Variants in XRCC6 observed in about 807,000 individuals in gnomAD.
The protein encoded by XRCC6 is DNA repair protein Ku70.
A neutral mutation model predicts 65.7 loss-of-function variants in XRCC6; 5 were observed. That is an observed-to-expected ratio of 0.08 (90% CI 0.04 to 0.16). The LOEUF (loss-of-function observed/expected upper bound fraction) is 0.16. XRCC6 is among the 10% of genes least tolerant of loss of function. XRCC6 has a pLI of 1.00. For missense variants in XRCC6, 447 were observed against 738.1 expected, an observed-to-expected ratio of 0.61 and a Z score of 4.57; for synonymous variants, 270 against 270.6, an observed-to-expected ratio of 1.00 and a Z score of 0.02.
rs999474140 is a variant in XRCC6 at position 41,636,218 on chromosome 22, A to G, written c.301A>G (p.Asn101Asp). 40 of 1,604,048 alleles carry G rather than the reference A, an allele frequency of 2.5e-5. No homozygotes were observed. Among genetic ancestry groups the G allele is most frequent in the Non-Finnish European group, 3.3e-5 (39 of 1,177,580 alleles). The change falls in exon 4 of 13, where the codon AAT becomes GAT. Residue 101 changes from asparagine (N) to aspartate (D), a missense_variant. This residue lies in a region of XRCC6 where 228 missense variants were observed against 307.4 expected (regional missense o/e 0.74). Coordinates refer to ENST00000360079, the MANE Select transcript of XRCC6 (RefSeq NM_001469.5). ...AGACAAAAATTCAGTGAATTTTAAA[A>G]ATATTTACGTCTTACAGGAGCTGGA... is the stretch of plus-strand genomic sequence containing the variant. ...EKDKNSVNFKNIYVLQELDNP... is the reference protein window; with the variant it reads ...EKDKNSVNFKDIYVLQELDNP...
chr22:41,636,425 G>C, intron 4 of XRCC6, 91 bp from the exon 5 acceptor site: 1 of 1,542,250 alleles, frequency 6.5e-7, no homozygotes. Flanking sequence ...GCTCTGGGGT[G>C]AAAAAGGGTC....
At chr22:41,640,188 G>A (rs1259430477) in intron 6 of XRCC6, among the ~76,000 whole-genome samples, 1 of 151,400 alleles carries the variant, frequency 6.6e-6, no homozygotes, top group Admixed American at 6.6e-5. Context: ...TTGCTCTGTC[G>A]CCCAGGCTGG....
intron 6 of XRCC6, among the ~76,000 whole-genome samples, chr22:41,646,130 C>T (rs995791421): frequency 1.3e-5 from 2 of 151,736 alleles, no homozygotes; most frequent in African/African-American, 4.8e-5. Flanking sequence ...GGTGAAACAC[C>T]GTCTCTACTA....
intron 10 of XRCC6, among the ~76,000 whole-genome samples, chr22:41,657,873 G>T (rs2068059937): frequency 6.6e-6 from 1 of 151,926 alleles, no homozygotes; most frequent in Admixed American, 6.6e-5. Context: ...ATCCAGGCTG[G>T]AGTACCGTGG....
At chr22:41,623,427 G>A (rs1020931694) in intron 2 of XRCC6, among the ~76,000 whole-genome samples, 18 of 151,254 alleles carry the variant, frequency 1.2e-4, no homozygotes, top group African/African-American at 4.1e-4. Flanking sequence ...TTGCTCTGTC[G>A]CCCAGGCTGG....
chr22:41,622,017 G>C lies in XRCC6; in HGVS notation c.13G>C (p.Glu5Gln). 1 of 1,614,244 alleles carries C rather than the reference G, an allele frequency of 6.2e-7. No homozygotes were observed. Among genetic ancestry groups the C allele is most frequent in the East Asian group, 2.2e-5 (1 of 44,884 alleles). The change falls in exon 2 of 13, where the codon GAG (glutamate) becomes CAG (glutamine). Residue 5 changes from glutamate (E) to glutamine (Q), a missense_variant. Glu to Gln is a conservative substitution (Grantham distance 29, BLOSUM62 2). Around this residue, in one of 4 missense-constraint regions of XRCC6, gnomAD observed 228 missense variants for 307.4 expected, o/e 0.74. Coordinates refer to ENST00000360079, the MANE Select transcript of XRCC6 (RefSeq NM_001469.5). ...AGCAGTAGCCAACATGTCAGGGTGGGAGTCATATTACAAAACCGAGGGCGA... is the reference window on the plus strand; with the variant it reads ...AGCAGTAGCCAACATGTCAGGGTGGCAGTCATATTACAAAACCGAGGGCGA... MSGWESYYKTEGDEE... is the reference protein window; with the variant it reads MSGWQSYYKTEGDEE...
intron 11 of XRCC6, among the ~76,000 whole-genome samples, chr22:41,659,110 T>C (rs1229617755): frequency 1.3e-5 from 2 of 152,138 alleles, no homozygotes; most frequent in South Asian, 2.1e-4. Flanking sequence ...AATTTTTGTA[T>C]TTTTAGTAGA....
rs145994295 is a variant in XRCC6, at chr22:41,663,543, G to A, written c.1637-79G>A. On this transcript the variant is annotated intron_variant, in intron 12 of 12. Transcript: ENST00000360079. ...TGGTTAATTGCAGCCCAGATTATACGAGGTCCCCCATGCCATGTAGCTGGG... is the reference window on the plus strand; with the variant it reads ...TGGTTAATTGCAGCCCAGATTATACAAGGTCCCCCATGCCATGTAGCTGGG... 80 of 1,489,846 alleles carry A rather than the reference G, an allele frequency of 5.4e-5. No homozygotes were observed. In the East Asian group the frequency reaches 7.3e-4, roughly 14 times the overall value. 92.3% of individuals were successfully genotyped at this position (1,489,846 alleles called of 1,614,324 possible). A position where few individuals can be genotyped will look rare whatever the true frequency, so the allele number is the denominator to read the frequency against.
chr22:41,637,127 A>G (rs1174770839), intron 5 of XRCC6, among the ~76,000 whole-genome samples: 2 of 124,532 alleles, frequency 1.6e-5, no homozygotes, highest in East Asian at 2.4e-4. Context: ...TCTGTCCCCC[A>G]GGCTAGAGTG....
chr22:41,621,687 G>C (rs929129983), intron 1 of XRCC6: 1 of 371,426 alleles, frequency 2.7e-6, no homozygotes, highest in African/African-American at 2.1e-5. Flanking sequence ...AGTCAGCATA[G>C]AATCCTGGAG....
At chr22:41,646,372 G>T (rs963608201) in intron 6 of XRCC6, among the ~76,000 whole-genome samples, 1 of 151,824 alleles carries the variant, frequency 6.6e-6, no homozygotes, top group African/African-American at 2.4e-5. Flanking sequence ...TTAAATGAGA[G>T]AATAGCTGTG....
chr22:41,662,733 GT>G (rs760313169), intron 12 of XRCC6, among the ~76,000 whole-genome samples: 2 of 152,112 alleles, frequency 1.3e-5, no homozygotes, highest in Non-Finnish European at 2.9e-5. Flanking sequence ...AGGAGTGAAT[GT>G]TTTCCTGCAC....
chr22:41,636,292 GAAT>G (rs1170662362), intron 4 of XRCC6, 41 bp downstream of exon 4: 2 of 1,557,356 alleles, frequency 1.3e-6, no homozygotes, highest in Non-Finnish European at 1.7e-6. Context: ...TTATATATGA[GAAT>G]ATCAGTACTC....
chr22:41,639,785 C>T (rs1170788029), intron 6 of XRCC6, among the ~76,000 whole-genome samples: 2 of 150,686 alleles, frequency 1.3e-5, no homozygotes, highest in Non-Finnish European at 1.5e-5. Context: ...GCCTCAGCCT[C>T]CTGAGTAGCT....
intron 3 of XRCC6, among the ~76,000 whole-genome samples, chr22:41,630,017 C>G (rs1240398384): frequency 4.9e-5 from 7 of 142,418 alleles, no homozygotes; most frequent in African/African-American, 1.6e-4. Flanking sequence ...TGGAGTCTCG[C>G]TCTGTCACCA....
At chr22:41,652,017 TAG>T (rs1274420270) in intron 8 of XRCC6, among the ~76,000 whole-genome samples, 1 of 152,166 alleles carries the variant, frequency 6.6e-6, no homozygotes, top group African/African-American at 2.4e-5. Context: ...CTCCTGACCT[TAG>T]GTGATTCACC....
At chr22:41,627,569 C>T (rs531710787) in intron 2 of XRCC6, among the ~76,000 whole-genome samples, 1 of 147,862 alleles carries the variant, frequency 6.8e-6, no homozygotes, top group Non-Finnish European at 1.5e-5. Context: ...CGAGATTGTG[C>T]CACTGTACTC....
In XRCC6 at chr22:41,622,134, C is replaced by T. The variant is rs375802511; in HGVS notation, c.82+48C>T. 18 of 1,588,044 alleles carry T rather than the reference C, an allele frequency of 1.1e-5. No homozygotes were observed. In the African/African-American group the frequency reaches 1.2e-4, roughly 11 times the overall value. On this transcript the variant is annotated intron_variant, in intron 2 of 12. Coordinates refer to ENST00000360079, the MANE Select transcript of XRCC6 (RefSeq NM_001469.5). ...GCCATTCGGTGTGTGGAAGAAAGAC[C>T]TTCCCTGCCTATCTCTGCTGGATGG...
rs373277330 is a variant in XRCC6, at chr22:41,650,895, A to G, written c.1129+4A>G. 16 of 1,614,084 alleles carry G rather than the reference A, an allele frequency of 9.9e-6. No individual in the cohort carries two copies. Among genetic ancestry groups the G allele is most frequent in the Middle Eastern group, 1.6e-4 (1 of 6,062 alleles). Reference sequence around the variant, plus strand: ...CCAGAGGAGTCGCTGGTGATTGGTAAGTAGCGTGGACCATGGATGAGTGAC... The same window carrying G: ...CCAGAGGAGTCGCTGGTGATTGGTAGGTAGCGTGGACCATGGATGAGTGAC... On this transcript the variant is annotated splice_donor_region_variant and intron_variant, in intron 8 of 12. Coordinates refer to ENST00000360079, the MANE Select transcript of XRCC6 (RefSeq NM_001469.5).
Sources: allele counts gnomAD v4.1 joint callset (sites outside exome capture counted in the v4.1 genomes callset), GRCh38; gene constraint gnomAD v4.1.1; regional missense constraint gnomAD v4.1.1; transcripts MANE v1.5; gene names NCBI Gene and HGNC (gene_info 2026-07-23, HGNC 2026-07-21).